Variants in PDK1 observed in about 807,000 individuals in gnomAD.
PDK1 encodes pyruvate dehydrogenase kinase 1, also known as [Pyruvate dehydrogenase (acetyl-transferring)] kinase isozyme 1, mitochondrial.
PDK1 carries 39 observed loss-of-function variants against 54.2 expected under a neutral mutation model. That is an observed-to-expected ratio of 0.72 (90% CI 0.56 to 0.94). The LOEUF is 0.94. PDK1 is among the 40% of genes least tolerant of loss of function. The pLI is 0.00. For synonymous variants in PDK1, 221 were observed against 207.1 expected, an observed-to-expected ratio of 1.07 and a Z score of -0.58; for missense variants, 552 against 566.0, an observed-to-expected ratio of 0.98 and a Z score of 0.25.
Position 172,556,771 on chromosome 2 carries a change from A to G in PDK1, c.196+425A>G, listed in dbSNP as rs574227467. 2.7e-4 allele frequency: 43 copies of G among 157,968 alleles called. 2 individuals carry two copies. The South Asian group carries it at 8.1e-3, about 30-fold the overall frequency. The allele number at this position is 157,968 out of a possible 1,614,324, so 9.8% of individuals were successfully genotyped here. On this transcript the variant is annotated intron_variant, in intron 1 of 10. Transcript: ENST00000282077. ...ATGATGATTGCATAGAATTGGCGTG[A>G]TAATAGGGAAGGCAGATTATAACTG...
At chr2:172,691,577 C>G in the PDK1 span, among the ~76,000 whole-genome samples, 1 of 152,224 alleles carries the variant, frequency 6.6e-6, no homozygotes, top group African/African-American at 2.4e-5. Flanking sequence ...TCATCCCTCC[C>G]TCTCTCCTAA....
chr2:172,562,312 C>T, intron 3 of PDK1, 21 bp downstream of exon 3: 4 of 1,473,904 alleles, frequency 2.7e-6, no homozygotes, highest in South Asian at 2.3e-5. Context: ...TATTTTGACC[C>T]TATTCTTAAA....
At chr2:172,696,275 G>T in the PDK1 span, among the ~76,000 whole-genome samples, 1 of 151,662 alleles carries the variant, frequency 6.6e-6, no homozygotes, top group Admixed American at 6.6e-5. Flanking sequence ...TTACTGACTT[G>T]TGAGACCCTA....
At chr2:172,564,716 A>C (rs750441365) in intron 4 of PDK1, 29 bp downstream of exon 4, 69 of 1,551,712 alleles carry the variant, frequency 4.4e-5, no homozygotes, top group Non-Finnish European at 5.7e-5. Context: ...TCAAGAGAAG[A>C]AGCTAAATGA....
At chr2:172,632,009 C>T in the PDK1 span, among the ~76,000 whole-genome samples, 1 of 152,082 alleles carries the variant, frequency 6.6e-6, no homozygotes, top group Non-Finnish European at 1.5e-5. Flanking sequence ...GACGTGGTGG[C>T]TCACACCTGT....
chr2:172,577,082 C>T lies in PDK1; in HGVS notation c.945+6258C>T, dbSNP rs141228122. ...CCAATTATTGTTGAATTGTCTATTT[C>T]GCCCTTCAGTTCCATCAGTTTTGCT... On this transcript the variant is annotated intron_variant, in intron 8 of 10. Coordinates refer to ENST00000282077, the MANE Select transcript of PDK1 (RefSeq NM_002610.5). Among the ~76,000 whole-genome samples, 22 of 152,196 alleles carry T rather than the reference C, an allele frequency of 1.4e-4. No homozygotes were observed. In the East Asian group the frequency reaches 3.7e-3, roughly 25 times the overall value.
In PDK1 at chr2:172,557,899, CT is replaced by C. The variant is rs200406846; in HGVS notation, c.197-808del. The stretch of plus-strand genomic sequence containing the variant: ...ACAGGGTTTTACTCTGTCACCCAGG[CT>C]GGAGTGCAGTGGTGCTATCATAGCT... On this transcript the variant is annotated intron_variant, in intron 1 of 10. Coordinates refer to ENST00000282077, the MANE Select transcript of PDK1 (RefSeq NM_002610.5). 4.5e-3 allele frequency among the ~76,000 whole-genome samples: 692 copies of C among 152,252 alleles called. 4 individuals are homozygous for C. The highest frequency in any genetic ancestry group is 0.015 in the African/African-American group (633 of 41,536).
chr2:172,715,001 G>C, the PDK1 span, among the ~76,000 whole-genome samples: 19 of 152,288 alleles, frequency 1.2e-4, no homozygotes, highest in African/African-American at 4.6e-4. Flanking sequence ...GTTATTTACA[G>C]AATTTCCCTA....
At chr2:172,621,842 GTA>G in the PDK1 span, among the ~76,000 whole-genome samples, 1 of 111,592 alleles carries the variant, frequency 9.0e-6, no homozygotes, top group Non-Finnish European at 1.9e-5. Context: ...TATCTCATAT[GTA>G]TGATACATGT....
the PDK1 span, among the ~76,000 whole-genome samples, chr2:172,654,977 T>A: frequency 6.6e-6 from 1 of 152,130 alleles, no homozygotes; most frequent in Non-Finnish European, 1.5e-5. Flanking sequence ...TACTGCCTTG[T>A]CATCCCCTTT....
downstream of PDK1, among the ~76,000 whole-genome samples, chr2:172,611,261 T>C (rs1013383807): frequency 1.3e-5 from 2 of 152,346 alleles, no homozygotes; most frequent in Non-Finnish European, 2.9e-5. Context: ...TGTGATTCTC[T>C]CATTGACTGT....
At chr2:172,644,281 C>T in the PDK1 span, among the ~76,000 whole-genome samples, 2 of 152,186 alleles carry the variant, frequency 1.3e-5, no homozygotes, top group Non-Finnish European at 1.5e-5. Context: ...CAGCCCGCAC[C>T]TCTGTCTGTA....
At chr2:172,565,216 T>C (rs1688870259) in intron 5 of PDK1, 143 bp downstream of exon 5, 1 of 614,402 alleles carries the variant, frequency 1.6e-6, no homozygotes, top group African/African-American at 1.8e-5. Context: ...TATAGTATTA[T>C]TTGTGCATTA....
chr2:172,622,738 A>G, the PDK1 span, among the ~76,000 whole-genome samples: 1 of 145,622 alleles, frequency 6.9e-6, no homozygotes, highest in African/African-American at 2.5e-5. Flanking sequence ...ATCTCATATT[A>G]TGTGAGATAT....
the PDK1 span, among the ~76,000 whole-genome samples, chr2:172,692,955 G>A: frequency 1.3e-5 from 2 of 152,302 alleles, no homozygotes; most frequent in South Asian, 4.2e-4. Context: ...CAGCTTCACA[G>A]AATTTGCAAA....
rs1487117521 is a variant in PDK1, at chr2:172,595,958, C to T, written c.1300C>T (p.Arg434Cys). The T allele has an allele frequency of 3.1e-6, 5 of 1,610,530 alleles. No individual in the cohort carries two copies. The highest frequency in any genetic ancestry group is 2.2e-5 in the East Asian group (1 of 44,786). ...SREPKDMTTF[R>C]SA is the part of the protein sequence containing the mutation. Reference sequence around the variant, plus strand: ...AGAACCCAAAGACATGACGACGTTCCGCAGTGCCTAGACACACTTGGGACA... The same window carrying T: ...AGAACCCAAAGACATGACGACGTTCTGCAGTGCCTAGACACACTTGGGACA... Residue 434 changes from arginine (R) to cysteine (C), a missense_variant, in exon 11 of 11, where the codon CGC (arginine) becomes TGC (cysteine). Coordinates refer to ENST00000282077, the MANE Select transcript of PDK1 (RefSeq NM_002610.5).
chr2:172,714,626 A>C, the PDK1 span, among the ~76,000 whole-genome samples: 2 of 152,080 alleles, frequency 1.3e-5, no homozygotes. Flanking sequence ...GATAATCAAT[A>C]AAGATAACAA....
the PDK1 span, among the ~76,000 whole-genome samples, chr2:172,700,757 C>A: frequency 1.3e-5 from 2 of 152,160 alleles, no homozygotes; most frequent in African/African-American, 4.8e-5. Context: ...ATCCCAGCAC[C>A]TTGGGAGGCC....
chr2:172,673,597 C>T, the PDK1 span, among the ~76,000 whole-genome samples: 1 of 152,138 alleles, frequency 6.6e-6, no homozygotes, highest in Non-Finnish European at 1.5e-5. Context: ...CCTCTCCTGT[C>T]CTGCTCATGA....
Sources: allele counts gnomAD v4.1 joint callset (sites outside exome capture counted in the v4.1 genomes callset), GRCh38; gene constraint gnomAD v4.1.1; transcripts MANE v1.5; gene names NCBI Gene and HGNC (gene_info 2026-07-23, HGNC 2026-07-21).